The following PTPRD variants were observed in gnomAD, a reference collection of about 807,000 sequenced individuals.
PTPRD encodes the protein receptor-type tyrosine-protein phosphatase delta.
Under a neutral mutation model 214.5 loss-of-function variants are expected in PTPRD, and 34 were observed. That is an observed-to-expected ratio of 0.16 (90% CI 0.12 to 0.21). The LOEUF (loss-of-function observed/expected upper bound fraction) is 0.21, where lower values mean the gene tolerates loss of function less well. Among genes scored for constraint, PTPRD ranks in the 10% least tolerant of loss-of-function variants. PTPRD has a pLI of 1.00. For missense variants in PTPRD, 2,545 were observed against 2,398.7 expected (o/e 1.06, Z -1.27); for synonymous variants, 1,128 against 845.7 (o/e 1.33, Z -5.79).
chr9:9,023,338 T>C lies in PTPRD; in HGVS notation c.-142-4603A>G, dbSNP rs902782618. 2.6e-5 allele frequency among the ~76,000 whole-genome samples: 4 copies of C among 152,102 alleles called. No individual in the cohort carries two copies. The South Asian group carries it at 8.3e-4, about 32-fold the overall frequency. On this transcript the variant is annotated intron_variant, in intron 10 of 45. Coordinates refer to ENST00000381196, the MANE Select transcript of PTPRD (RefSeq NM_002839.4). ...CAGAAATAAATATCAACTCTTCATA[T>C]ATTGATTAAATAAATGTGCATTACG...
rs182976590 is a variant in PTPRD at position 8,596,509 on chromosome 9, G to A, written c.352+36808C>T. Among the ~76,000 whole-genome samples the A allele has an allele frequency of 2.9e-3, 437 of 152,042 alleles. 2 individuals are homozygous for A. Among genetic ancestry groups the A allele is most frequent in the African/African-American group, 9.9e-3 (410 of 41,512 alleles). ...TTAACACATAAAGAAAAAAACAGAC[G>A]ACAAGAGGCCTGCAGAGGAGCAGAA... is the stretch of plus-strand genomic sequence containing the variant. On this transcript the variant is annotated intron_variant, in intron 14 of 45. Coordinates refer to ENST00000381196, the MANE Select transcript of PTPRD (RefSeq NM_002839.4).
intron 11 of PTPRD, among the ~76,000 whole-genome samples, chr9:9,018,045 T>C (rs922285591): frequency 2.0e-5 from 3 of 152,172 alleles, no homozygotes; most frequent in Admixed American, 2.0e-4. Context: ...TTATTTTTAT[T>C]TTTTGAAGAT....
chr9:9,998,165 A>C (rs1380604392), intron 4 of PTPRD, among the ~76,000 whole-genome samples: 1 of 141,872 alleles, frequency 7.0e-6, no homozygotes, highest in East Asian at 2.0e-4. Flanking sequence ...AGAAGAAGGA[A>C]TGCCCAGGCA....
chr9:9,843,170 C>T (rs931585943), intron 5 of PTPRD, among the ~76,000 whole-genome samples: 2 of 152,036 alleles, frequency 1.3e-5, no homozygotes, highest in Non-Finnish European at 2.9e-5. Context: ...TATTTATTCC[C>T]TAGGCATTTA....
intron 12 of PTPRD, among the ~76,000 whole-genome samples, chr9:8,712,151 C>T (rs541851079): frequency 2.0e-5 from 3 of 152,220 alleles, no homozygotes; most frequent in South Asian, 2.1e-4. Context: ...CAGAGTGTGA[C>T]AAATGAAATA....
chr9:8,595,176 T>C (rs985782591), intron 14 of PTPRD, among the ~76,000 whole-genome samples: 1 of 151,518 alleles, frequency 6.6e-6, no homozygotes, highest in Admixed American at 6.6e-5. Context: ...AAACCTGTTT[T>C]TTTTTTTTTT....
rs552392071 is a variant in PTPRD, at chr9:9,196,871, T to C, written c.-202-13508A>G. The stretch of plus-strand genomic sequence containing the variant: ...TGGTGTTGCTACCAACTGGCCTGGC[T>C]CTCACAGCTGATTCTTGCTATTCTC... On this transcript the variant is annotated intron_variant, in intron 9 of 45. Transcript: ENST00000381196. Among the ~76,000 whole-genome samples, 6 of 152,282 alleles carry C rather than the reference T, an allele frequency of 3.9e-5. No individual in the cohort carries two copies. The East Asian group carries it at 9.7e-4, about 25-fold the overall frequency.
At chr9:10,149,301 T>C (rs922564780) in intron 3 of PTPRD, among the ~76,000 whole-genome samples, 11 of 152,194 alleles carry the variant, frequency 7.2e-5, no homozygotes, top group African/African-American at 2.7e-4. Flanking sequence ...AGTTTGCTAC[T>C]AGGGGCATAA....
At chr9:9,174,813 T>A (rs1396004489) in intron 10 of PTPRD, among the ~76,000 whole-genome samples, 1 of 152,184 alleles carries the variant, frequency 6.6e-6, no homozygotes, top group African/African-American at 2.4e-5. Context: ...AATGTGCTAA[T>A]GATTTTCTTT....
intron 5 of PTPRD, among the ~76,000 whole-genome samples, chr9:9,798,610 T>C (rs1013250473): frequency 6.6e-6 from 1 of 152,186 alleles, no homozygotes; most frequent in African/African-American, 2.4e-5. Context: ...TCTCAAATGT[T>C]AAGATGCCAT....
At chr9:9,739,032 T>C (rs1231369442) in intron 6 of PTPRD, among the ~76,000 whole-genome samples, 2 of 152,206 alleles carry the variant, frequency 1.3e-5, no homozygotes. Context: ...AAATCATATA[T>C]TAAAATTAAT....
chr9:9,573,409 C>CT (rs973373893), intron 8 of PTPRD, among the ~76,000 whole-genome samples: 53 of 147,842 alleles, frequency 3.6e-4, no homozygotes, highest in African/African-American at 6.4e-4. Flanking sequence ...CTCTAATGTT[C>CT]TTTTTTTAAA....
chr9:10,600,378 A>T (rs960382725), intron 2 of PTPRD, among the ~76,000 whole-genome samples: 1 of 151,746 alleles, frequency 6.6e-6, no homozygotes, highest in African/African-American at 2.4e-5. Flanking sequence ...ATGTTGTACA[A>T]TGCGTGCCAC....
intron 3 of PTPRD, among the ~76,000 whole-genome samples, chr9:10,190,591 G>A (rs941222540): frequency 6.0e-5 from 9 of 150,916 alleles, no homozygotes; most frequent in South Asian, 2.1e-4. Flanking sequence ...GATGGTGGGC[G>A]CCTGTAATTC....
At chr9:9,659,312 C>T (rs2096578671) in intron 7 of PTPRD, among the ~76,000 whole-genome samples, 2 of 151,998 alleles carry the variant, frequency 1.3e-5, no homozygotes, top group African/African-American at 4.8e-5. Context: ...TATATGGCCT[C>T]CAATTCTTTA....
intron 8 of PTPRD, among the ~76,000 whole-genome samples, chr9:9,399,930 A>G (rs1017183604): frequency 5.3e-5 from 8 of 152,218 alleles, no homozygotes; most frequent in African/African-American, 1.9e-4. Flanking sequence ...GCATGTGAAC[A>G]GACTAATACA....
At chr9:8,806,486 G>A (rs866210323) in intron 11 of PTPRD, among the ~76,000 whole-genome samples, 34 of 152,036 alleles carry the variant, frequency 2.2e-4, no homozygotes, top group South Asian at 1.5e-3. Flanking sequence ...AATAATACCT[G>A]CTACACTCAA....
At position 9,311,500 on chromosome 9, in the gene PTPRD, T is replaced by A. The variant is rs200178778; in HGVS notation, c.-203+85949A>T. Among the ~76,000 whole-genome samples, 9 of 152,312 alleles carry A rather than the reference T, an allele frequency of 5.9e-5. No homozygotes were observed. In the East Asian group the frequency reaches 1.7e-3, roughly 29 times the overall value. On this transcript the variant is annotated intron_variant, in intron 9 of 45. Transcript: ENST00000381196. ...TTTTATTTTCTAAGTTTTGAAGGTCTAATAATCCTGAATTACATTAACAGG... is the reference window on the plus strand; with the variant it reads ...TTTTATTTTCTAAGTTTTGAAGGTCAAATAATCCTGAATTACATTAACAGG...
intron 3 of PTPRD, among the ~76,000 whole-genome samples, chr9:10,325,735 A>G (rs2096631692): frequency 6.6e-6 from 1 of 151,962 alleles, no homozygotes; most frequent in Non-Finnish European, 1.5e-5. Flanking sequence ...TGTAAGATAC[A>G]TATCATATTC....
Sources: gnomAD v4.1 joint callset for allele counts (sites outside exome capture counted in the v4.1 genomes callset) on GRCh38, gnomAD v4.1.1 for gene constraint, MANE v1.5 for transcripts, NCBI Gene and HGNC (gene_info 2026-07-23, HGNC 2026-07-21) for gene names.